The following FCHO2 variants were observed in gnomAD, a reference collection of about 807,000 sequenced individuals.
The protein encoded by FCHO2 is FCH and mu domain containing endocytic adaptor 2.
FCHO2 carries 43 observed loss-of-function variants against 114.1 expected under a neutral mutation model. That is an observed-to-expected ratio of 0.38 (90% CI 0.30 to 0.49). The LOEUF (loss-of-function observed/expected upper bound fraction) is 0.49, where lower values mean the gene tolerates loss of function less well. Ranked by LOEUF, FCHO2 falls within the 20% of genes least tolerant of loss-of-function variation. FCHO2 has a pLI of 0.97. For synonymous variants in FCHO2, 293 were observed against 315.2 expected (o/e 0.93, Z 0.75); for missense variants, 807 against 950.4 (o/e 0.85, Z 1.98).
chr5:73,068,827 A>G, intron 19 of FCHO2, 48 bp downstream of exon 19: 1 of 1,553,702 alleles, frequency 6.4e-7, no homozygotes, highest in Non-Finnish European at 8.7e-7. Flanking sequence ...TACAAAGTAT[A>G]TGTATGCTAA....
chr5:72,965,993 A>G (rs1752178431), intron 1 of FCHO2, among the ~76,000 whole-genome samples: 1 of 152,186 alleles, frequency 6.6e-6, no homozygotes, highest in Non-Finnish European at 1.5e-5. Flanking sequence ...GAAAAAAAGG[A>G]AACTTGGTAA....
rs780320293 is a variant in FCHO2 at position 73,074,746 on chromosome 5, G to A, written c.1584G>A (p.Val528=). 1.2e-6 allele frequency: 2 copies of A among 1,611,554 alleles called. No individual in the cohort carries two copies. The highest frequency in any genetic ancestry group is 1.7e-6 in the Non-Finnish European group (2 of 1,178,932). Residue 528 remains valine, a synonymous_variant, in exon 20 of 26, where the codon GTG becomes GTA. Transcript: ENST00000430046. ...LSAANTPTVG[V]SRGPSPVSLG... ...AGTTAATTGTGTATATTCTAGGTGT[G>A]TCACGGGGTCCCAGCCCTGTCAGCC...
intron 11 of FCHO2, among the ~76,000 whole-genome samples, chr5:73,049,546 C>T (rs1757245394): frequency 6.6e-6 from 1 of 151,908 alleles, no homozygotes. Context: ...TCCTCTTCTG[C>T]TTTTAGGCAT....
intron 23 of FCHO2, among the ~76,000 whole-genome samples, chr5:73,082,367 A>G (rs564645039): frequency 6.6e-6 from 1 of 151,522 alleles, no homozygotes; most frequent in Non-Finnish European, 1.5e-5. Context: ...GTTTAATAGT[A>G]TTAGTTACTG....
chr5:73,001,288 C>G (rs1326052671), intron 5 of FCHO2, among the ~76,000 whole-genome samples: 1 of 151,490 alleles, frequency 6.6e-6, no homozygotes, highest in Admixed American at 6.6e-5. Context: ...CATTCCGGCC[C>G]AGGCCTACAA....
At chr5:73,059,956 C>A (rs1035763486) in intron 17 of FCHO2, among the ~76,000 whole-genome samples, 3 of 151,828 alleles carry the variant, frequency 2.0e-5, no homozygotes, top group African/African-American at 7.2e-5. Flanking sequence ...TTGTTAATAT[C>A]CCCTTATGAA....
intron 14 of FCHO2, 93 bp from the exon 15 acceptor site, chr5:73,054,432 C>A: frequency 1.8e-6 from 2 of 1,124,818 alleles, no homozygotes; most frequent in Non-Finnish European, 2.6e-6. Flanking sequence ...CTAAAAACAA[C>A]ATAAAATTAG....
intron 19 of FCHO2, among the ~76,000 whole-genome samples, chr5:73,073,019 A>C (rs1014880875): frequency 1.2e-4 from 18 of 152,116 alleles, no homozygotes; most frequent in African/African-American, 2.4e-5. Flanking sequence ...TAGGGAAAAA[A>C]GTGGATTGAA....
chr5:73,002,500 C>T (rs1754497692), intron 5 of FCHO2, among the ~76,000 whole-genome samples: 2 of 152,140 alleles, frequency 1.3e-5, no homozygotes, highest in African/African-American at 4.8e-5. Context: ...GTCCATAACA[C>T]AGCATATATA....
intron 16 of FCHO2, 133 bp from the exon 17 acceptor site, chr5:73,058,300 G>A: frequency 1.9e-6 from 1 of 532,706 alleles, no homozygotes; most frequent in Admixed American, 3.2e-5. Context: ...TGTGAGCCAT[G>A]GTGCCTGGCC....
intron 10 of FCHO2, chr5:73,037,788 C>T: frequency 3.0e-6 from 1 of 336,658 alleles, no homozygotes; most frequent in Non-Finnish European, 5.8e-6. Context: ...TGGAGTTTCA[C>T]TGTTGTTGCC....
chr5:72,976,580 C>G (rs554286744), intron 2 of FCHO2, among the ~76,000 whole-genome samples: 5 of 151,958 alleles, frequency 3.3e-5, no homozygotes, highest in Non-Finnish European at 7.4e-5. Flanking sequence ...GTCTTTGGCT[C>G]ATTTTTGTTT....
rs190925608 is a variant in FCHO2, at chr5:72,960,262, A to C, written c.33+4133A>C. 3.1e-3 allele frequency among the ~76,000 whole-genome samples: 469 copies of C among 152,346 alleles called. 2 individuals are homozygous for C. In the Middle Eastern group the frequency reaches 0.034, roughly 11 times the overall value. ...TTAAAGTATAGGTTTTCTCAATTGAAACTATATGCTAAATTGAAAATTCCT... is the reference window on the plus strand; with the variant it reads ...TTAAAGTATAGGTTTTCTCAATTGACACTATATGCTAAATTGAAAATTCCT... On this transcript the variant is annotated intron_variant, in intron 1 of 25. Coordinates refer to ENST00000430046, the MANE Select transcript of FCHO2 (RefSeq NM_138782.3).
At position 73,068,865 on chromosome 5, in the gene FCHO2, T is replaced by C. The variant is rs1742494924; in HGVS notation, c.1579+86T>C. The C allele has an allele frequency of 2.8e-6, 4 of 1,409,182 alleles. No individual in the cohort carries two copies. In the South Asian group the frequency reaches 6.4e-5, roughly 23 times the overall value. The allele number at this position is 1,409,182 out of a possible 1,614,324, so 87.3% of individuals were successfully genotyped here. ...ATGTATATATTTTTAAATGGGCTAA[T>C]GAAGAATTTAACATTATAAATTTTG... is the stretch of plus-strand genomic sequence containing the variant. On this transcript the variant is annotated intron_variant, in intron 19 of 25. Coordinates refer to ENST00000430046, the MANE Select transcript of FCHO2 (RefSeq NM_138782.3).
intron 19 of FCHO2, 103 bp downstream of exon 19, chr5:73,068,882 T>C (rs899762369): frequency 6.0e-6 from 8 of 1,336,240 alleles, no homozygotes; most frequent in Non-Finnish European, 6.9e-6. Flanking sequence ...TTTAACATTA[T>C]AAATTTTGTT....
At chr5:72,982,447 T>C (rs2112646731) in intron 2 of FCHO2, among the ~76,000 whole-genome samples, 1 of 152,350 alleles carries the variant, frequency 6.6e-6, no homozygotes, top group Non-Finnish European at 1.5e-5. Flanking sequence ...TTTGCAAATA[T>C]TTTCTCACAG....
chr5:72,997,757 T>A (rs1754202768), intron 5 of FCHO2: 1 of 1,374,538 alleles, frequency 7.3e-7, no homozygotes, highest in Non-Finnish European at 9.6e-7. Context: ...GGTCTGCCCC[T>A]CCAACCCCTC....
At chr5:73,067,925 T>G (rs1388119346) in intron 18 of FCHO2, among the ~76,000 whole-genome samples, 1 of 152,036 alleles carries the variant, frequency 6.6e-6, no homozygotes, top group Non-Finnish European at 1.5e-5. Context: ...GTTATATTTT[T>G]TATATTTGTT....
chr5:73,016,200 G>A (rs1008028724), intron 7 of FCHO2, among the ~76,000 whole-genome samples: 8 of 152,076 alleles, frequency 5.3e-5, no homozygotes, highest in African/African-American at 9.7e-5. Flanking sequence ...TGTAATCTCA[G>A]CAGTTTGGGA....
Sources: allele counts gnomAD v4.1 joint callset (sites outside exome capture counted in the v4.1 genomes callset), GRCh38; gene constraint gnomAD v4.1.1; transcripts MANE v1.5; gene names NCBI Gene and HGNC (gene_info 2026-07-23, HGNC 2026-07-21).